Variants in SLC28A1 observed in about 807,000 individuals in gnomAD.
The protein encoded by SLC28A1 is sodium/nucleoside cotransporter 1.
Under a neutral mutation model 74.8 loss-of-function variants are expected in SLC28A1, and 64 were observed. The observed-to-expected ratio is 0.86, with a 90% confidence interval of 0.70 to 1.05. The LOEUF is 1.05. SLC28A1 is among the 50% of genes least tolerant of loss of function. The pLI is 0.00. For synonymous variants in SLC28A1, 359 were observed against 335.0 expected (o/e 1.07, Z -0.78); for missense variants, 828 against 822.8 (o/e 1.01, Z -0.08).
the SLC28A1 span, among the ~76,000 whole-genome samples, chr15:84,969,286 A>G: frequency 6.6e-5 from 10 of 152,182 alleles, no homozygotes; most frequent in Admixed American, 5.9e-4. Context: ...CCGAATTTAT[A>G]CAAGTCAGGT....
At position 84,945,736 on chromosome 15, in the gene SLC28A1, G is replaced by A. The variant is rs1301213639; in HGVS notation, c.*536G>A. 1 of 169,552 alleles carries A rather than the reference G, an allele frequency of 5.9e-6. No individual in the cohort carries two copies. The highest frequency in any genetic ancestry group is 1.3e-5 in the Non-Finnish European group (1 of 77,452). 10.5% of individuals were successfully genotyped at this position (169,552 alleles called of 1,614,324 possible). Reference sequence around the variant, plus strand: ...ACACTGTCCTGGGAGGCGTTCAGAGGGTTCCATGATGGACTAGGTTTGGAA... The same window carrying A: ...ACACTGTCCTGGGAGGCGTTCAGAGAGTTCCATGATGGACTAGGTTTGGAA... On this transcript the variant is annotated 3_prime_UTR_variant, in exon 19 of 19. Transcript: ENST00000394573.
chr15:84,916,348 C>A (rs1969105583), intron 9 of SLC28A1, among the ~76,000 whole-genome samples: 1 of 150,840 alleles, frequency 6.6e-6, no homozygotes, highest in Non-Finnish European at 1.5e-5. Context: ...ATCCAGTAAT[C>A]CTCCCACTTC....
chr15:84,922,577 T>G (rs1266198904), intron 11 of SLC28A1, among the ~76,000 whole-genome samples: 2 of 152,112 alleles, frequency 1.3e-5, no homozygotes, highest in Admixed American at 1.3e-4. Flanking sequence ...CTCCTACCTC[T>G]TCTTCCTTCC....
chr15:84,914,240 G>T (rs905296012), intron 9 of SLC28A1, among the ~76,000 whole-genome samples: 13 of 152,272 alleles, frequency 8.5e-5, no homozygotes, highest in African/African-American at 3.1e-4. Flanking sequence ...GTGAGCCACT[G>T]TGCCTCTTTT....
chr15:84,910,290 A>G (rs926805205), intron 9 of SLC28A1, among the ~76,000 whole-genome samples: 11 of 152,208 alleles, frequency 7.2e-5, no homozygotes, highest in African/African-American at 2.7e-4. Context: ...ATATTCCTTT[A>G]GGGTAACGAG....
At chr15:84,949,492 C>G (rs1477209460), downstream of SLC28A1, among the ~76,000 whole-genome samples, 1 of 151,600 alleles carries the variant, frequency 6.6e-6, no homozygotes. Context: ...CTCAAGGGGT[C>G]CTCCCACCTC....
the SLC28A1 span, among the ~76,000 whole-genome samples, chr15:84,967,328 T>A: frequency 3.3e-5 from 5 of 152,186 alleles, no homozygotes; most frequent in Non-Finnish European, 7.4e-5. Context: ...GTAAACTTTC[T>A]ACCCCCCACC....
intron 13 of SLC28A1, among the ~76,000 whole-genome samples, chr15:84,933,872 G>A (rs534061113): frequency 3.3e-5 from 5 of 152,166 alleles, no homozygotes; most frequent in African/African-American, 9.7e-5. Context: ...CAACTTAGGG[G>A]GCTGAGGCAC....
chr15:84,963,238 C>T, the SLC28A1 span, among the ~76,000 whole-genome samples: 1 of 152,188 alleles, frequency 6.6e-6, no homozygotes, highest in Non-Finnish European at 1.5e-5. Context: ...TCCCTAGCCA[C>T]ACCCCTTACT....
At chr15:84,895,871 AGG>A in intron 6 of SLC28A1, 3 of 987,052 alleles carry the variant, frequency 3.0e-6, no homozygotes, top group South Asian at 6.7e-5. Context: ...AGACTAAGTC[AGG>A]GGGATGCAGG....
rs1596258899 is a variant in SLC28A1 at position 84,905,719 on chromosome 15, G to A, written c.717+67G>A. 9.2e-6 allele frequency: 11 copies of A among 1,200,210 alleles called. No individual in the cohort carries two copies. In the East Asian group the frequency reaches 2.1e-4, roughly 23 times the overall value. 74.3% of individuals were successfully genotyped at this position (1,200,210 alleles called of 1,614,324 possible). A position where few individuals can be genotyped will look rare whatever the true frequency, so the allele number is the denominator to read the frequency against. On this transcript the variant is annotated intron_variant, in intron 8 of 18. Transcript: ENST00000394573. ...CTGGGAGTAGGGGAGAAGCCACTTGGCAGGGGGAAAAGTGGGTGGTGAGGC... is the reference window on the plus strand; with the variant it reads ...CTGGGAGTAGGGGAGAAGCCACTTGACAGGGGGAAAAGTGGGTGGTGAGGC...
At position 84,886,699 on chromosome 15, in the gene SLC28A1, C is replaced by G; in HGVS notation, c.-105C>G. 4 of 985,524 alleles carry G rather than the reference C, an allele frequency of 4.1e-6. No homozygotes were observed. The highest frequency in any genetic ancestry group is 4.8e-6 in the Non-Finnish European group (4 of 829,974). The allele number at this position is 985,524 out of a possible 1,614,324, so 61.0% of individuals were successfully genotyped here. ...ATTTCTGCTGAAGTGACAAGGCAAG[C>G]CAGAGCCAAAGCAGGTTGGACCCAG... On this transcript the variant is annotated 5_prime_UTR_variant, in exon 2 of 19. Transcript: ENST00000394573.
chr15:84,898,167 C>T (rs915253121), intron 6 of SLC28A1, among the ~76,000 whole-genome samples: 1 of 151,128 alleles, frequency 6.6e-6, no homozygotes, highest in Non-Finnish European at 1.5e-5. Context: ...AGTGGAATTA[C>T]CGAATCATAT....
downstream of SLC28A1, among the ~76,000 whole-genome samples, chr15:84,946,084 T>TTTTATATATA (rs1567196223): frequency 3.6e-5 from 1 of 27,526 alleles, no homozygotes; most frequent in Non-Finnish European, 6.4e-5. Context: ...GTGTGTATGT[T>TTTTATATATA]CATATATATA....
In SLC28A1 at chr15:84,935,186, A is replaced by C; in HGVS notation, c.1375A>C (p.Ser459Arg). Residue 459 changes from serine (S) to arginine (R), a missense_variant, in exon 14 of 19, where the codon AGC becomes CGC. Transcript: ENST00000394573. The stretch of plus-strand genomic sequence containing the variant: ...AGACATGGTGGACATCCAAGGGCTC[A>C]GCTTCCAGGTGCGTTTCTGGCCACC... ...LGDMVDIQGL[S>R]FQLICSYILR... 1 of 1,613,922 alleles carries C rather than the reference A, an allele frequency of 6.2e-7. No homozygotes were observed. The highest frequency in any genetic ancestry group is 8.5e-7 in the Non-Finnish European group (1 of 1,179,858).
chr15:84,952,024 C>G, the SLC28A1 span, among the ~76,000 whole-genome samples: 1 of 152,244 alleles, frequency 6.6e-6, no homozygotes, highest in African/African-American at 2.4e-5. Flanking sequence ...CTGTGTATAA[C>G]CTTTCAACAC....
intron 10 of SLC28A1, among the ~76,000 whole-genome samples, chr15:84,919,287 A>C (rs1236879839): frequency 6.6e-6 from 1 of 152,222 alleles, no homozygotes; most frequent in Non-Finnish European, 1.5e-5. Flanking sequence ...ATTGGACAGC[A>C]ACAGATAGCA....
At position 84,912,993 on chromosome 15, in the gene SLC28A1, G is replaced by A. The variant is rs558718528; in HGVS notation, c.795+4198G>A. ...CTGAAAGAAGGGAGATGGGACAGCC[G>A]AGGCAGGAGGCATCTTGTTGAAAAC... On this transcript the variant is annotated intron_variant, in intron 9 of 18. Transcript: ENST00000394573. 9.2e-5 allele frequency among the ~76,000 whole-genome samples: 14 copies of A among 152,210 alleles called. No homozygotes were observed. The East Asian group carries it at 1.7e-3, about 19-fold the overall frequency.
At chr15:84,896,977 A>T (rs1966067685) in intron 6 of SLC28A1, among the ~76,000 whole-genome samples, 1 of 152,200 alleles carries the variant, frequency 6.6e-6, no homozygotes, top group Non-Finnish European at 1.5e-5. Context: ...TGGGAAGAGG[A>T]GGTGGTGACC....
Sources: allele counts gnomAD v4.1 joint callset (sites outside exome capture counted in the v4.1 genomes callset), GRCh38; gene constraint gnomAD v4.1.1; transcripts MANE v1.5; gene names NCBI Gene and HGNC (gene_info 2026-07-23, HGNC 2026-07-21).